HEPH: variants seen among roughly 807,000 people sequenced by gnomAD.
The protein encoded by HEPH is hephaestin.
Under a neutral mutation model 80.8 loss-of-function variants are expected in HEPH, and 69 were observed. That is an observed-to-expected ratio of 0.85 (90% CI 0.70 to 1.04). The LOEUF (loss-of-function observed/expected upper bound fraction) is 1.04, where lower values mean the gene tolerates loss of function less well. Ranked by LOEUF, HEPH falls within the 50% of genes least tolerant of loss-of-function variation. The probability of loss-of-function intolerance (pLI) is 0.00; values close to 1 mark genes in which losing one functional copy is unlikely to be tolerated. For synonymous variants in HEPH, 431 were observed against 322.8 expected (o/e 1.34, Z -3.60); for missense variants, 1,115 against 891.3 (o/e 1.25, Z -3.20).
intron 15 of HEPH, among the ~76,000 whole-genome samples, chrX:66,254,543 G>A (rs1301752144): frequency 9.0e-6 from 1 of 110,645 alleles, no homozygotes; most frequent in East Asian, 2.8e-4. Flanking sequence ...TTGGAGCTTA[G>A]TAACAAGGGG....
intron 1 of HEPH, among the ~76,000 whole-genome samples, chrX:66,167,334 T>C (rs2086414885): frequency 8.9e-6 from 1 of 112,423 alleles, no homozygotes; most frequent in African/African-American, 3.2e-5. Context: ...GATTCTATTG[T>C]TTAAGCCATT....
intron 20 of HEPH, among the ~76,000 whole-genome samples, chrX:66,265,538 G>T (rs994047795): frequency 7.2e-5 from 8 of 111,011 alleles, no homozygotes; most frequent in African/African-American, 2.6e-4. Context: ...AGGTCTCTTG[G>T]CCCAAGGTCA....
intron 7 of HEPH, 76 bp from the exon 8 acceptor site, chrX:66,193,426 G>T: frequency 3.1e-6 from 2 of 642,376 alleles, no homozygotes; most frequent in South Asian, 3.8e-5. Flanking sequence ...TTCATAACTT[G>T]GTGAGACTAA....
chrX:66,253,421 A>G (rs775920862), intron 15 of HEPH, among the ~76,000 whole-genome samples: 5 of 112,402 alleles, frequency 4.4e-5, no homozygotes, highest in Non-Finnish European at 7.5e-5. Flanking sequence ...CACTTTTCAC[A>G]TGCTAGGATA....
At chrX:66,169,336 G>A (rs759910536) in intron 1 of HEPH, among the ~76,000 whole-genome samples, 2 of 112,030 alleles carry the variant, frequency 1.8e-5, no homozygotes, top group South Asian at 7.4e-4. Flanking sequence ...TGTGTAAATG[G>A]AAGTGTGTGC....
intron 15 of HEPH, among the ~76,000 whole-genome samples, chrX:66,247,061 C>A (rs1211977014): frequency 1.8e-5 from 2 of 111,431 alleles, no homozygotes; most frequent in East Asian, 2.8e-4. Context: ...TTGAGAATTT[C>A]TTTTCTGTGA....
intron 15 of HEPH, among the ~76,000 whole-genome samples, chrX:66,246,313 T>C (rs1200385992): frequency 1.8e-5 from 2 of 111,829 alleles, no homozygotes; most frequent in Non-Finnish European, 3.8e-5. Context: ...TTCTGCCATC[T>C]GGGTGCTTTT....
chrX:66,214,494 TTGATG>T (rs1183725352), intron 15 of HEPH, among the ~76,000 whole-genome samples: 1 of 111,812 alleles, frequency 8.9e-6, no homozygotes, highest in African/African-American at 3.2e-5. Context: ...ACAGAAATCC[TTGATG>T]TGATGTGATC....
chrX:66,226,933 A>T (rs1188599718), intron 15 of HEPH, among the ~76,000 whole-genome samples: 1 of 111,803 alleles, frequency 8.9e-6, no homozygotes, highest in Non-Finnish European at 1.9e-5. Flanking sequence ...AAATCATTTT[A>T]TGAAGCCAGT....
In HEPH at chrX:66,197,665, C is replaced by T; in HGVS notation, c.1502-18C>T. ...ATTCTAGTCAATCTAAGTAATGAGT[C>T]CCATATTTTCACTACAGGCTCATCT... On this transcript the variant is annotated intron_variant, in intron 9 of 20. Transcript: ENST00000343002. 8.6e-7 allele frequency: 1 copy of T among 1,169,395 alleles called. No homozygotes were observed. The highest frequency in any genetic ancestry group is 1.2e-6 in the Non-Finnish European group (1 of 857,345).
downstream of HEPH, chrX:66,267,757 C>T (rs1407718677): frequency 9.0e-6 from 1 of 110,874 alleles, no homozygotes; most frequent in Non-Finnish European, 1.9e-5. Context: ...TTGGGGGCTT[C>T]CTTATAGGAT....
intron 15 of HEPH, among the ~76,000 whole-genome samples, chrX:66,253,552 T>C (rs966834438): frequency 1.3e-4 from 15 of 112,132 alleles, no homozygotes; most frequent in Non-Finnish European, 2.6e-4. Flanking sequence ...TGGAAAGCAG[T>C]TTGGCAATTC....
chrX:66,236,666 T>C (rs74981268), intron 15 of HEPH, among the ~76,000 whole-genome samples: 1 of 111,483 alleles, frequency 9.0e-6, no homozygotes, highest in African/African-American at 3.3e-5. Context: ...CTCATTTTTT[T>C]GCAATAGGTT....
At chrX:66,245,256 A>G (rs1279551939) in intron 15 of HEPH, among the ~76,000 whole-genome samples, 1 of 111,365 alleles carries the variant, frequency 9.0e-6, no homozygotes, top group Non-Finnish European at 1.9e-5. Context: ...AGAGACACAC[A>G]TAGGCTCAAA....
In HEPH at chrX:66,197,891, G is replaced by C; in HGVS notation, c.1710G>C (p.Lys570Asn). The change falls in exon 10 of 21, where the codon AAG (lysine) becomes AAC (asparagine). Residue 570 changes from lysine to asparagine, a missense_variant. By Grantham distance (94) the Lys-to-Asn change is moderately conservative (BLOSUM62 0). This residue lies in a region of HEPH where 716 missense variants were observed against 523.5 expected (regional missense o/e 1.37). Transcript: ENST00000343002. Reference sequence around the variant, plus strand: ...CTGGTGCCTTGGGTGCAGATGGCAAGCAGGTATTGTCAGGGTTATCTGGCT... The same window carrying C: ...CTGGTGCCTTGGGTGCAGATGGCAACCAGGTATTGTCAGGGTTATCTGGCT... ...CRAGALGADGKQKGVDKEFFL... is the reference protein window; with the variant it reads ...CRAGALGADGNQKGVDKEFFL... The C allele has an allele frequency of 8.4e-7, 1 of 1,191,982 alleles. No individual in the cohort carries two copies. The highest frequency in any genetic ancestry group is 1.1e-6 in the Non-Finnish European group (1 of 884,687).
At chrX:66,252,851 G>GA (rs933107186) in intron 15 of HEPH, among the ~76,000 whole-genome samples, 8 of 111,835 alleles carry the variant, frequency 7.2e-5, no homozygotes, top group South Asian at 3.7e-4. Flanking sequence ...CCTTTCAATG[G>GA]AAAAAAATAG....
At chrX:66,198,710 T>G (rs112618581) in intron 10 of HEPH, among the ~76,000 whole-genome samples, 168 bp from the exon 11 acceptor site, 2 of 111,795 alleles carry the variant, frequency 1.8e-5, no homozygotes, top group African/African-American at 6.5e-5. Flanking sequence ...ATCTGCAATT[T>G]GAGGTTACCT....
Position 66,202,028 on chromosome X carries a change from A to C in HEPH, c.2077+1276A>C, listed in dbSNP as rs12689295. Among the ~76,000 whole-genome samples the C allele has an allele frequency of 6.0e-4, 67 of 111,823 alleles. 1 individual carries two copies. The East Asian group carries it at 0.013, about 22-fold the overall frequency. On this transcript the variant is annotated intron_variant, in intron 12 of 20. Coordinates refer to ENST00000343002, the MANE Select transcript of HEPH (RefSeq NM_001367233.3). Reference sequence around the variant, plus strand: ...AGAGAGGGGCACTTAGCCCTTTAACATGTGGTTTAGATATAAAGTGCATTA... The same window carrying C: ...AGAGAGGGGCACTTAGCCCTTTAACCTGTGGTTTAGATATAAAGTGCATTA...
intron 15 of HEPH, among the ~76,000 whole-genome samples, chrX:66,215,765 C>T (rs889476836): frequency 8.1e-5 from 9 of 110,955 alleles, no homozygotes; most frequent in East Asian, 2.8e-4. Flanking sequence ...GGTGCATTGC[C>T]GCTGCAAGCT....
Sources: gnomAD v4.1 joint callset for allele counts (sites outside exome capture counted in the v4.1 genomes callset) on GRCh38, gnomAD v4.1.1 for gene constraint, gnomAD v4.1.1 regional missense constraint, MANE v1.5 for transcripts, NCBI Gene and HGNC (gene_info 2026-07-23, HGNC 2026-07-21) for gene names.